Variants in ATP1B3 observed in about 807,000 individuals in gnomAD.
The protein encoded by ATP1B3 is ATPase Na+/K+ transporting subunit beta 3, also known as sodium/potassium-transporting ATPase subunit beta-3.
ATP1B3 carries 10 observed loss-of-function variants against 30.2 expected under a neutral mutation model. The observed-to-expected ratio is 0.33, with a 90% CI of 0.20 to 0.56. ATP1B3 has a LOEUF of 0.56. Ranked by LOEUF, ATP1B3 falls within the 20% of genes least tolerant of loss-of-function variation. ATP1B3 has a pLI of 0.90. For synonymous variants in ATP1B3, 113 were observed against 117.0 expected, an observed-to-expected ratio of 0.97 and a Z score of 0.22; for missense variants, 238 against 336.7, an observed-to-expected ratio of 0.71 and a Z score of 2.29.
At chr3:141,914,472 A>G (rs1055995820) in intron 4 of ATP1B3, among the ~76,000 whole-genome samples, 1 of 152,200 alleles carries the variant, frequency 6.6e-6, no homozygotes, top group Non-Finnish European at 1.5e-5. Flanking sequence ...GGAGTAATGA[A>G]TTAGGGTCAT....
chr3:141,892,612 G>A (rs529192934), intron 1 of ATP1B3, among the ~76,000 whole-genome samples: 11 of 130,924 alleles, frequency 8.4e-5, no homozygotes, highest in African/African-American at 2.1e-4. Flanking sequence ...AGTGGAGATC[G>A]AGCCACTGCA....
At chr3:141,913,130 T>G (rs1221032784) in intron 3 of ATP1B3, among the ~76,000 whole-genome samples, 2 of 152,024 alleles carry the variant, frequency 1.3e-5, no homozygotes, top group African/African-American at 4.8e-5. Flanking sequence ...GGCTTCTACC[T>G]TCCTTCATTG....
chr3:141,908,956 T>TG (rs1376823436), intron 3 of ATP1B3, among the ~76,000 whole-genome samples: 1 of 152,196 alleles, frequency 6.6e-6, no homozygotes, highest in Non-Finnish European at 1.5e-5. Flanking sequence ...AGGCCACCTG[T>TG]GTCACTCCTG....
intron 1 of ATP1B3, among the ~76,000 whole-genome samples, chr3:141,879,906 T>G (rs1933690489): frequency 6.7e-6 from 1 of 150,164 alleles, no homozygotes; most frequent in Admixed American, 6.7e-5. Context: ...TTAATCAAAT[T>G]TTATGTAGGT....
intron 1 of ATP1B3, among the ~76,000 whole-genome samples, chr3:141,882,882 G>A (rs527393806): frequency 1.8e-4 from 27 of 152,214 alleles, no homozygotes; most frequent in African/African-American, 4.6e-4. Context: ...CACCGCGCCC[G>A]GCCTCATGAG....
chr3:141,887,599 G>A (rs1933860416), intron 1 of ATP1B3, among the ~76,000 whole-genome samples: 1 of 152,138 alleles, frequency 6.6e-6, no homozygotes. Flanking sequence ...TTCACAAAAT[G>A]CTCTTGTACA....
chr3:141,898,405 A>G (rs1287109910), intron 1 of ATP1B3, among the ~76,000 whole-genome samples: 1 of 152,210 alleles, frequency 6.6e-6, no homozygotes, highest in African/African-American at 2.4e-5. Flanking sequence ...GAACTTAATA[A>G]AAAAGGCAGA....
At chr3:141,925,434 C>G (rs1934641394) in intron 6 of ATP1B3, 97 bp from the exon 7 acceptor site, 1 of 1,380,786 alleles carries the variant, frequency 7.2e-7, no homozygotes, top group African/African-American at 1.5e-5. Flanking sequence ...GGGCAACAGT[C>G]TCAAAAAGAA....
At chr3:141,906,681 A>G (rs999065452) in intron 2 of ATP1B3, among the ~76,000 whole-genome samples, 2 of 152,222 alleles carry the variant, frequency 1.3e-5, no homozygotes, top group Admixed American at 6.5e-5. Context: ...CTATTGAAGG[A>G]AGAATATTTG....
At chr3:141,892,141 ACT>A (rs1416229615) in intron 1 of ATP1B3, among the ~76,000 whole-genome samples, 2 of 151,616 alleles carry the variant, frequency 1.3e-5, no homozygotes, top group African/African-American at 2.4e-5. Flanking sequence ...GAATTTTATA[ACT>A]CTGCTTTTGC....
At chr3:141,878,018 A>G (rs559679317) in intron 1 of ATP1B3, among the ~76,000 whole-genome samples, 1 of 152,340 alleles carries the variant, frequency 6.6e-6, no homozygotes, top group African/African-American at 2.4e-5. Context: ...GACTCAGAAA[A>G]TAAACTGTTG....
chr3:141,900,455 A>G (rs1019400792), intron 1 of ATP1B3, among the ~76,000 whole-genome samples: 15 of 152,138 alleles, frequency 9.9e-5, no homozygotes, highest in African/African-American at 2.7e-4. Context: ...ACCCCATTCT[A>G]CATGTATCCT....
chr3:141,907,477 A>G (rs1386258365), intron 3 of ATP1B3, among the ~76,000 whole-genome samples: 1 of 152,050 alleles, frequency 6.6e-6, no homozygotes, highest in Non-Finnish European at 1.5e-5. Flanking sequence ...CCCCATCTCT[A>G]CCAAAAATAT....
intron 1 of ATP1B3, chr3:141,902,917 T>A (rs1172944910): frequency 6.6e-6 from 1 of 152,262 alleles, no homozygotes; most frequent in African/African-American, 2.4e-5. Context: ...TATATTTTTT[T>A]AATTTTTTAA....
intron 1 of ATP1B3, among the ~76,000 whole-genome samples, chr3:141,879,108 T>C (rs1236023368): frequency 1.3e-5 from 2 of 152,244 alleles, no homozygotes; most frequent in Admixed American, 1.3e-4. Flanking sequence ...ACCTCAGAGA[T>C]ACTATTAACA....
chr3:141,886,773 G>A (rs1933842408), intron 1 of ATP1B3, among the ~76,000 whole-genome samples: 1 of 152,152 alleles, frequency 6.6e-6, no homozygotes, highest in African/African-American at 2.4e-5. Context: ...CAAGATGGGA[G>A]GACTACTTTA....
At chr3:141,897,275 T>C (rs1218095420) in intron 1 of ATP1B3, among the ~76,000 whole-genome samples, 1 of 152,202 alleles carries the variant, frequency 6.6e-6, no homozygotes, top group Non-Finnish European at 1.5e-5. Context: ...CTGATGTCCC[T>C]TTTCTTCCTC....
In ATP1B3 at chr3:141,914,535, C is replaced by G. The variant is rs1429296819; in HGVS notation, c.531+699C>G. ...CTTGAGTCATGAAGTGATCCCTAGC[C>G]CCCGTGCCTTGCTGCTCTGTAAATG... is the stretch of plus-strand genomic sequence containing the variant. On this transcript the variant is annotated intron_variant, in intron 4 of 6. Coordinates refer to ENST00000286371, the MANE Select transcript of ATP1B3 (RefSeq NM_001679.4). Among the ~76,000 whole-genome samples, 10 of 152,064 alleles carry G rather than the reference C, an allele frequency of 6.6e-5. No homozygotes were observed. In the East Asian group the frequency reaches 1.9e-3, roughly 29 times the overall value.
intron 1 of ATP1B3, among the ~76,000 whole-genome samples, chr3:141,882,652 C>T (rs1240200122): frequency 5.3e-5 from 8 of 152,164 alleles, no homozygotes; most frequent in South Asian, 4.1e-4. Flanking sequence ...GGTGCGATAT[C>T]GGCTCACCGC....
Sources: allele counts gnomAD v4.1 joint callset (sites outside exome capture counted in the v4.1 genomes callset), GRCh38; gene constraint gnomAD v4.1.1; transcripts MANE v1.5; gene names NCBI Gene and HGNC (gene_info 2026-07-23, HGNC 2026-07-21).